ARHGAP5: variants seen among roughly 807,000 people sequenced by gnomAD.
ARHGAP5 encodes Rho GTPase activating protein 5.
A neutral mutation model predicts 116.6 loss-of-function variants in ARHGAP5; 23 were observed. That is an observed-to-expected ratio of 0.20 (90% confidence interval 0.14 to 0.28). The LOEUF is 0.28. Among genes scored for constraint, ARHGAP5 ranks in the 10% least tolerant of loss-of-function variants. The pLI is 1.00. For missense variants in ARHGAP5, 1,405 were observed against 1,774.8 expected (o/e 0.79, Z 3.74); for synonymous variants, 574 against 602.0 (o/e 0.95, Z 0.68).
At chr14:32,081,943 T>G (rs2041780007) in intron 1 of ARHGAP5, among the ~76,000 whole-genome samples, 2 of 152,154 alleles carry the variant, frequency 1.3e-5, no homozygotes, top group African/African-American at 4.8e-5. Context: ...TAGAAGACAG[T>G]TTTTTCACGG....
At position 32,156,132 on chromosome 14, in the gene ARHGAP5, T is replaced by C. The variant is rs1388345766; in HGVS notation, c.*1184T>C. 1 of 152,462 alleles carries C rather than the reference T, an allele frequency of 6.6e-6. No individual in the cohort carries two copies. The highest frequency in any genetic ancestry group is 2.4e-5 in the African/African-American group (1 of 41,444). 9.4% of individuals were successfully genotyped at this position (152,462 alleles called of 1,614,324 possible). A position where few individuals can be genotyped will look rare whatever the true frequency, so the allele number is the denominator to read the frequency against. On this transcript the variant is annotated 3_prime_UTR_variant, in exon 7 of 7. Transcript: ENST00000345122. Reference sequence around the variant, plus strand: ...TTTAAGCCAATTTTTTCCTTTGATGTTGGTACCAGAATTACTATAAGTGAC... The same window carrying C: ...TTTAAGCCAATTTTTTCCTTTGATGCTGGTACCAGAATTACTATAAGTGAC...
intron 2 of ARHGAP5, among the ~76,000 whole-genome samples, chr14:32,097,642 C>T (rs576226714): frequency 6.6e-6 from 1 of 152,162 alleles, no homozygotes; most frequent in East Asian, 1.9e-4. Flanking sequence ...AAAAGAAAAG[C>T]ATGAGTGCTG....
At chr14:32,110,414 C>A (rs1444447140) in intron 2 of ARHGAP5, among the ~76,000 whole-genome samples, 1 of 151,702 alleles carries the variant, frequency 6.6e-6, no homozygotes, top group Non-Finnish European at 1.5e-5. Context: ...TCCATCTCAG[C>A]CTCCCAAGTA....
rs538038883 is a variant in ARHGAP5 at position 32,078,689 on chromosome 14, C to T, written c.-169+1254C>T. ...GTTAGAATGTTAGGTGGTGTTTATCCGCATGAAGGATCTCGTTCACTTCAT... is the reference window on the plus strand; with the variant it reads ...GTTAGAATGTTAGGTGGTGTTTATCTGCATGAAGGATCTCGTTCACTTCAT... On this transcript the variant is annotated intron_variant, in intron 1 of 6. Coordinates refer to ENST00000345122, the MANE Select transcript of ARHGAP5 (RefSeq NM_001030055.2). Among the ~76,000 whole-genome samples, 40 of 152,206 alleles carry T rather than the reference C, an allele frequency of 2.6e-4. No individual in the cohort carries two copies. In the South Asian group the frequency reaches 7.5e-3, roughly 28 times the overall value.
At chr14:32,140,114 C>CTTTTTTTTTTTTTTTTTTTTTTTTTTT (rs1881045011) in intron 3 of ARHGAP5, among the ~76,000 whole-genome samples, 2 of 15,116 alleles carry the variant, frequency 1.3e-4, no homozygotes, top group African/African-American at 2.7e-4. Flanking sequence ...TTTTTTTTTT[C>CTTTTTTTTTTTTTTTTTTTTTTTTTTT]CTTTTTTTTT....
chr14:32,116,669 A>G lies in ARHGAP5; in HGVS notation c.3718-471A>G, dbSNP rs563610973. ...AAAATGGAAAAATAAGGGACAAATG[A>G]TGGAACTAACGGTTCATGGAGTTAT... On this transcript the variant is annotated intron_variant, in intron 2 of 6. Coordinates refer to ENST00000345122, the MANE Select transcript of ARHGAP5 (RefSeq NM_001030055.2). 1.5e-4 allele frequency among the ~76,000 whole-genome samples: 23 copies of G among 152,270 alleles called. No homozygotes were observed. In the South Asian group the frequency reaches 2.5e-3, roughly 16 times the overall value.
chr14:32,134,337 C>T (rs1468242830), intron 3 of ARHGAP5, among the ~76,000 whole-genome samples: 1 of 152,174 alleles, frequency 6.6e-6, no homozygotes, highest in East Asian at 1.9e-4. Context: ...CCCCTCCCCA[C>T]ATGGAATTTT....
chr14:32,154,903 G>A lies in ARHGAP5; in HGVS notation c.4464G>A (p.Gln1488=). 1 of 1,613,924 alleles carries A rather than the reference G, an allele frequency of 6.2e-7. No homozygotes were observed. ...AGTTGCCGCCACCATTGCAACCTCA[G>A]CTGATACAACCACAATTACAAACGG... ...PLQLPPPLQP[Q]LIQPQLQTDP... is the part of the protein sequence containing the mutation. Residue 1488 remains glutamine, a synonymous_variant, in exon 7 of 7, where the codon CAG becomes CAA. Coordinates refer to ENST00000345122, the MANE Select transcript of ARHGAP5 (RefSeq NM_001030055.2).
rs1881050604 is a variant in ARHGAP5, at chr14:32,140,153, A to G, written c.3866-6110A>G. Reference sequence around the variant, plus strand: ...TTTATTATACTTTAAGTTTTAGGGTACATCTGCACATTGTGCAGGTTAGTT... The same window carrying G: ...TTTATTATACTTTAAGTTTTAGGGTGCATCTGCACATTGTGCAGGTTAGTT... On this transcript the variant is annotated intron_variant, in intron 3 of 6. Coordinates refer to ENST00000345122, the MANE Select transcript of ARHGAP5 (RefSeq NM_001030055.2). Among the ~76,000 whole-genome samples the G allele has an allele frequency of 3.4e-5, 4 of 117,340 alleles. No homozygotes were observed. In the South Asian group the frequency reaches 1.0e-3, roughly 30 times the overall value. The allele number at this position is 117,340 out of a possible 152,430, so 77.0% of individuals were successfully genotyped here. A position where few individuals can be genotyped will look rare whatever the true frequency, so the allele number is the denominator to read the frequency against.
In ARHGAP5 at chr14:32,085,342, C is replaced by T. The variant is rs376617921; in HGVS notation, c.-168-5160C>T. Reference sequence around the variant, plus strand: ...GTGCATGCCTAGAGTCCCAGCTAGACAGGAGGCTGAGATGAGAGGATCACC... The same window carrying T: ...GTGCATGCCTAGAGTCCCAGCTAGATAGGAGGCTGAGATGAGAGGATCACC... On this transcript the variant is annotated intron_variant, in intron 1 of 6. Coordinates refer to ENST00000345122, the MANE Select transcript of ARHGAP5 (RefSeq NM_001030055.2). 6.1e-4 allele frequency among the ~76,000 whole-genome samples: 93 copies of T among 152,032 alleles called. 1 individual carries two copies. The South Asian group carries it at 0.016, about 27-fold the overall frequency.
intron 3 of ARHGAP5, among the ~76,000 whole-genome samples, chr14:32,137,971 C>CAAA (rs570604721): frequency 3.8e-5 from 3 of 79,296 alleles, no homozygotes; most frequent in Non-Finnish European, 2.5e-5. Flanking sequence ...GGCTTCGTCT[C>CAAA]AAAAAAAAAA....
chr14:32,088,780 A>G (rs1198842501), intron 1 of ARHGAP5, among the ~76,000 whole-genome samples: 1 of 152,022 alleles, frequency 6.6e-6, no homozygotes, highest in Non-Finnish European at 1.5e-5. Flanking sequence ...GCAGCTTCCC[A>G]TGGTTCCAAG....
chr14:32,140,066 C>CTCT (rs1279205894), intron 3 of ARHGAP5, among the ~76,000 whole-genome samples: 2 of 28,014 alleles, frequency 7.1e-5, no homozygotes, highest in African/African-American at 2.5e-4. Context: ...TTTTCTCTCT[C>CTCT]TTTTTTTTTT....
rs151151743 is a variant in ARHGAP5 at position 32,093,527 on chromosome 14, A to G, written c.2858A>G (p.Asn953Ser). Reference protein sequence around the residue: ...NMIENSYLSDNTRESTHQSED... With the variant: ...NMIENSYLSDSTRESTHQSED... ...ATAGAAAATTCTTATTTGTCTGATA[A>G]TACAAGGGAATCAACCCATCAAAGT... Residue 953 changes from asparagine to serine, a missense_variant, in exon 2 of 7, where the codon AAT becomes AGT. Asn to Ser is a conservative substitution (Grantham distance 46). Coordinates refer to ENST00000345122, the MANE Select transcript of ARHGAP5 (RefSeq NM_001030055.2). 4,042 of 1,613,830 alleles carry G rather than the reference A, an allele frequency of 2.5e-3. 30 individuals are homozygous for G. Among genetic ancestry groups the G allele is most frequent in the African/African-American group, 0.023 (1,695 of 75,006 alleles).
Position 32,092,076 on chromosome 14 carries a change from T to C in ARHGAP5, c.1407T>C (p.Ala469=). 1.2e-6 allele frequency: 2 copies of C among 1,613,848 alleles called. No homozygotes were observed. The highest frequency in any genetic ancestry group is 2.7e-5 in the African/African-American group (2 of 75,026). The change falls in exon 2 of 7, where the codon GCT becomes GCC. Residue 469 remains alanine (A), a synonymous_variant. Coordinates refer to ENST00000345122, the MANE Select transcript of ARHGAP5 (RefSeq NM_001030055.2). This position sits in a 1 kb window ranked among gnomAD's most constrained non-coding sequence, Gnocchi z 4.1. ...EDEAYKYITE[A]DSKEVYGRHQ... ...AAGCCTACAAATATATCACTGAGGC[T>C]GATAGCAAAGAGGTATATGGTAGGC...
At chr14:32,099,190 T>C (rs867989766) in intron 2 of ARHGAP5, among the ~76,000 whole-genome samples, 1 of 152,216 alleles carries the variant, frequency 6.6e-6, no homozygotes, top group Non-Finnish European at 1.5e-5. Context: ...AGTAATGTGC[T>C]GTTCATGATA....
chr14:32,122,308 G>A (rs984716248), intron 3 of ARHGAP5, among the ~76,000 whole-genome samples: 1 of 152,058 alleles, frequency 6.6e-6, no homozygotes, highest in Non-Finnish European at 1.5e-5. Flanking sequence ...TTGGCTTTTT[G>A]TGCACATCTT....
intron 2 of ARHGAP5, among the ~76,000 whole-genome samples, chr14:32,106,415 G>A (rs1462364741): frequency 6.6e-6 from 1 of 152,156 alleles, no homozygotes; most frequent in South Asian, 2.1e-4. Flanking sequence ...CGCTGCACTC[G>A]GCCTGGGTAT....
At chr14:32,149,571 G>C (rs1881547933) in intron 4 of ARHGAP5, among the ~76,000 whole-genome samples, 1 of 152,008 alleles carries the variant, frequency 6.6e-6, no homozygotes, top group Non-Finnish European at 1.5e-5. Context: ...AGGAGTTCGA[G>C]ACCAGCCTGG....
Sources: allele counts gnomAD v4.1 joint callset (sites outside exome capture counted in the v4.1 genomes callset), GRCh38; gene constraint gnomAD v4.1.1; non-coding constraint Gnocchi (gnomAD v3.1); transcripts MANE v1.5; gene names NCBI Gene and HGNC (gene_info 2026-07-23, HGNC 2026-07-21).